The following CSMD2 variants were observed in gnomAD, a reference collection of about 807,000 sequenced individuals.
CSMD2 encodes the protein CUB and sushi domain-containing protein 2.
In CSMD2, 130 loss-of-function variants were observed where a neutral mutation model predicts 398.5. The observed-to-expected ratio is 0.33, with a 90% CI of 0.28 to 0.38. The LOEUF is 0.38. Among genes scored for constraint, CSMD2 ranks in the 10% least tolerant of loss-of-function variants. The pLI, the probability that CSMD2 is intolerant of heterozygous loss-of-function variation, is 1.00. For synonymous variants in CSMD2, 1,828 were observed against 1,908.5 expected, an observed-to-expected ratio of 0.96 and a Z score of 1.10; for missense variants, 3,829 against 4,764.9, an observed-to-expected ratio of 0.80 and a Z score of 5.78.
Position 33,615,580 on chromosome 1 carries a change from G to A in CSMD2, c.6017-960C>T, listed in dbSNP as rs144624955. 4.8e-3 allele frequency among the ~76,000 whole-genome samples: 734 copies of A among 152,296 alleles called. 7 individuals are homozygous for A. The highest frequency in any genetic ancestry group is 0.017 in the African/African-American group (691 of 41,566). On this transcript the variant is annotated intron_variant, in intron 39 of 70. Coordinates refer to ENST00000373381, the MANE Select transcript of CSMD2 (RefSeq NM_001281956.2). ...ACTCGGTTTCCCACAACTGTAAAAT[G>A]GAACTAGTGACAGCACCCTTCTAAT...
chr1:34,064,514 T>A (rs1039013157), intron 2 of CSMD2, among the ~76,000 whole-genome samples: 2 of 152,116 alleles, frequency 1.3e-5, no homozygotes, highest in Admixed American at 1.3e-4. Flanking sequence ...TTCCAACAAG[T>A]TCCTCCTCTC....
intron 21 of CSMD2, among the ~76,000 whole-genome samples, chr1:33,709,751 A>G (rs16835734): frequency 0.061 from 9,329 of 152,162 alleles, 319 homozygotes; most frequent in South Asian, 0.075. Flanking sequence ...CACGATTGAC[A>G]CTTTACAAGG....
intron 4 of CSMD2, among the ~76,000 whole-genome samples, chr1:33,933,202 G>C (rs1644366148): frequency 6.6e-6 from 1 of 152,112 alleles, no homozygotes; most frequent in Admixed American, 6.5e-5. Context: ...GAGAAGTAGG[G>C]GATCCAAGAA....
intron 13 of CSMD2, among the ~76,000 whole-genome samples, chr1:33,746,354 G>C (rs1376524406): frequency 6.6e-6 from 1 of 152,206 alleles, no homozygotes; most frequent in African/African-American, 2.4e-5. Flanking sequence ...GGCAGATGAA[G>C]ACAAAGAAAG....
At chr1:33,817,560 T>G in intron 9 of CSMD2, among the ~76,000 whole-genome samples, 1 of 152,164 alleles carries the variant, frequency 6.6e-6, no homozygotes, top group East Asian at 1.9e-4. Flanking sequence ...CAAGACAGCT[T>G]CTAAAAGAAC....
chr1:33,879,221 G>A (rs895227284), intron 5 of CSMD2, among the ~76,000 whole-genome samples: 2 of 152,128 alleles, frequency 1.3e-5, no homozygotes, highest in Admixed American at 6.5e-5. Context: ...CACTTGTCGA[G>A]TAGATTCTGG....
At chr1:33,641,183 A>C (rs1643088875) in intron 29 of CSMD2, among the ~76,000 whole-genome samples, 1 of 152,074 alleles carries the variant, frequency 6.6e-6, no homozygotes, top group Non-Finnish European at 1.5e-5. Context: ...CTAACTTCTT[A>C]TGCTTCTTAC....
chr1:34,038,922 A>G (rs1651497819), intron 2 of CSMD2, among the ~76,000 whole-genome samples: 1 of 152,168 alleles, frequency 6.6e-6, no homozygotes, highest in Admixed American at 6.5e-5. Context: ...CTGTGGTTTC[A>G]GTTCCTTCAA....
At chr1:33,550,897 A>G (rs1657384151) in intron 55 of CSMD2, among the ~76,000 whole-genome samples, 1 of 152,200 alleles carries the variant, frequency 6.6e-6, no homozygotes, top group Non-Finnish European at 1.5e-5. Flanking sequence ...AGAACACCAG[A>G]ATTGAGATGT....
chr1:33,936,728 C>G (rs1644492649), intron 3 of CSMD2, among the ~76,000 whole-genome samples: 1 of 152,240 alleles, frequency 6.6e-6, no homozygotes, highest in African/African-American at 2.4e-5. Flanking sequence ...AAGTCAGTCA[C>G]CTGTTCTAAC....
intron 14 of CSMD2, among the ~76,000 whole-genome samples, chr1:33,740,794 T>A (rs1361852273): frequency 6.6e-6 from 1 of 152,190 alleles, no homozygotes; most frequent in Non-Finnish European, 1.5e-5. Context: ...TAGGCACAGA[T>A]ACATACACCC....
In CSMD2 at chr1:33,614,492, G is replaced by T. The variant is rs549892451; in HGVS notation, c.6133+12C>A. On this transcript the variant is annotated intron_variant, in intron 40 of 70. Transcript: ENST00000373381. Reference sequence around the variant, plus strand: ...TTGAAGCCTGTCTCCTCTGGGGGCTGCAGAGACTTACCAAAGCCCACGGGC... The same window carrying T: ...TTGAAGCCTGTCTCCTCTGGGGGCTTCAGAGACTTACCAAAGCCCACGGGC... 9 of 1,460,662 alleles carry T rather than the reference G, an allele frequency of 6.2e-6. No homozygotes were observed. The Admixed American group carries it at 1.5e-4, about 24-fold the overall frequency. 90.5% of individuals were successfully genotyped at this position (1,460,662 alleles called of 1,614,324 possible). A position where few individuals can be genotyped will look rare whatever the true frequency, so the allele number is the denominator to read the frequency against.
At chr1:33,642,955 C>T (rs1190147028) in intron 29 of CSMD2, among the ~76,000 whole-genome samples, 5 of 152,196 alleles carry the variant, frequency 3.3e-5, no homozygotes, top group Non-Finnish European at 7.3e-5. Context: ...GTAATTTCCC[C>T]TGTGCTGAGC....
chr1:33,592,550 T>C lies in CSMD2; in HGVS notation c.6857-5382A>G. 5.6e-6 allele frequency: 4 copies of C among 716,840 alleles called. No individual in the cohort carries two copies. In the South Asian group the frequency reaches 5.9e-5, roughly 11 times the overall value. 44.4% of individuals were successfully genotyped at this position (716,840 alleles called of 1,614,324 possible). On this transcript the variant is annotated intron_variant, in intron 44 of 70. Coordinates refer to ENST00000373381, the MANE Select transcript of CSMD2 (RefSeq NM_001281956.2). ...CAGGCACCACAAAGTGATTGGAATGTGTAGCTAATCATATTGTGTTAAGGT... is the reference window on the plus strand; with the variant it reads ...CAGGCACCACAAAGTGATTGGAATGCGTAGCTAATCATATTGTGTTAAGGT...
At chr1:33,652,159 C>G (rs145362512) in intron 28 of CSMD2, among the ~76,000 whole-genome samples, 164 bp downstream of exon 28, 1 of 152,164 alleles carries the variant, frequency 6.6e-6, no homozygotes, top group Non-Finnish European at 1.5e-5. Flanking sequence ...GTGCTTGGCA[C>G]GTAGATGTTC....
At chr1:33,665,813 C>T (rs1241549412) in intron 25 of CSMD2, among the ~76,000 whole-genome samples, 1 of 152,116 alleles carries the variant, frequency 6.6e-6, no homozygotes, top group Admixed American at 6.5e-5. Flanking sequence ...TAGCCTCTTC[C>T]ACACTTTGCC....
chr1:34,115,716 AT>A (rs1439462654), intron 1 of CSMD2, among the ~76,000 whole-genome samples: 7 of 152,092 alleles, frequency 4.6e-5, no homozygotes, highest in African/African-American at 1.4e-4. Flanking sequence ...AATCATTTTA[AT>A]TCTAGTATAA....
chr1:34,038,009 G>C (rs1345882622), intron 2 of CSMD2, among the ~76,000 whole-genome samples: 2 of 152,188 alleles, frequency 1.3e-5, no homozygotes, highest in African/African-American at 4.8e-5. Context: ...AGGGTTGGTA[G>C]ATAAATTCCA....
At chr1:33,606,020 G>A (rs374023789) in intron 41 of CSMD2, 9 of 1,601,724 alleles carry the variant, frequency 5.6e-6, no homozygotes, top group Non-Finnish European at 7.7e-6. Flanking sequence ...TTCAGAGGGA[G>A]TAGCTGGGCT....
Sources: allele counts gnomAD v4.1 joint callset (sites outside exome capture counted in the v4.1 genomes callset), GRCh38; gene constraint gnomAD v4.1.1; transcripts MANE v1.5; gene names NCBI Gene and HGNC (gene_info 2026-07-23, HGNC 2026-07-21).